Variants in FRK observed in about 807,000 individuals in gnomAD.
FRK encodes the protein fyn related Src family tyrosine kinase.
A neutral mutation model predicts 56.4 loss-of-function variants in FRK; 51 were observed. The ratio of observed to expected loss-of-function variants is 0.90; its 90% CI spans 0.72 to 1.14. The LOEUF is 1.14. FRK is among the 50% of genes most tolerant of loss of function. The probability of loss-of-function intolerance (pLI) is 0.00; values close to 1 mark genes in which losing one functional copy is unlikely to be tolerated. For synonymous variants in FRK, 245 were observed against 217.9 expected, an observed-to-expected ratio of 1.12 and a Z score of -1.10; for missense variants, 570 against 601.4, an observed-to-expected ratio of 0.95 and a Z score of 0.55.
chr6:115,982,583 C>A (rs917816112), intron 2 of FRK, among the ~76,000 whole-genome samples: 1 of 152,104 alleles, frequency 6.6e-6, no homozygotes, highest in Non-Finnish European at 1.5e-5. Flanking sequence ...TTACAGCCTG[C>A]ACTTTGAAGG....
chr6:116,065,016 G>A (rs761845248), upstream of FRK, among the ~76,000 whole-genome samples: 9 of 151,978 alleles, frequency 5.9e-5, no homozygotes, highest in Non-Finnish European at 8.8e-5. Context: ...ACTTACTCCT[G>A]CCTGCATTTC....
intron 4 of FRK, among the ~76,000 whole-genome samples, chr6:115,960,609 AAGAC>A (rs2114579024): frequency 9.4e-6 from 1 of 106,874 alleles, no homozygotes; most frequent in East Asian, 3.1e-4. Flanking sequence ...GACAAACAAA[AAGAC>A]AGCAGTAACC....
At chr6:116,069,947 C>T in the FRK span, among the ~76,000 whole-genome samples, 140 of 152,166 alleles carry the variant, frequency 9.2e-4, no homozygotes, top group African/African-American at 3.0e-3. Context: ...ACAGTTTGTG[C>T]GGCAGGAATT....
At chr6:116,006,308 T>G (rs12196154) in intron 1 of FRK, among the ~76,000 whole-genome samples, 58,985 of 152,058 alleles carry the variant, frequency 0.39, 11,820 homozygotes, top group Middle Eastern at 0.5. Flanking sequence ...CTGGTATTAG[T>G]AATATTACAT....
rs2114481749 is a variant in FRK, at chr6:115,931,401, G to A, written c.*11013C>T. The A allele has an allele frequency of 6.6e-6, 1 of 152,198 alleles. No individual in the cohort carries two copies. Among genetic ancestry groups the A allele is most frequent in the Admixed American group, 6.5e-5 (1 of 15,302 alleles). 9.4% of individuals were successfully genotyped at this position (152,198 alleles called of 1,614,324 possible). On this transcript the variant is annotated 3_prime_UTR_variant, in exon 8 of 8. Coordinates refer to ENST00000606080, the MANE Select transcript of FRK (RefSeq NM_002031.3). ...TACATTTGAATCTGGGTAAATAATAGCATTATAACAAGTGGTACAATTAAA... is the reference window on the plus strand; with the variant it reads ...TACATTTGAATCTGGGTAAATAATAACATTATAACAAGTGGTACAATTAAA...
chr6:116,051,413 AC>A (rs1385594976), intron 1 of FRK, among the ~76,000 whole-genome samples: 24 of 152,280 alleles, frequency 1.6e-4, no homozygotes, highest in Non-Finnish European at 3.2e-4. Context: ...CAACTAAAAA[AC>A]TTTGTAGAAA....
intron 4 of FRK, among the ~76,000 whole-genome samples, chr6:115,960,565 C>T (rs908993128): frequency 5.7e-5 from 8 of 139,538 alleles, no homozygotes; most frequent in Non-Finnish European, 1.1e-4. Context: ...GGCCTGCCTG[C>T]CTCTGTAGGC....
chr6:116,070,637 G>A, the FRK span, among the ~76,000 whole-genome samples: 60 of 152,236 alleles, frequency 3.9e-4, no homozygotes, highest in South Asian at 1.4e-3. Context: ...TATCCAATCA[G>A]TATTTTCCAA....
intron 1 of FRK, among the ~76,000 whole-genome samples, chr6:116,036,413 T>G (rs1379783345): frequency 6.6e-6 from 1 of 152,120 alleles, no homozygotes; most frequent in Non-Finnish European, 1.5e-5. Flanking sequence ...GGTACAAAAT[T>G]ACAGCAAACA....
chr6:116,022,610 G>T (rs1361570126), intron 1 of FRK, among the ~76,000 whole-genome samples: 4 of 152,072 alleles, frequency 2.6e-5, no homozygotes, highest in African/African-American at 7.2e-5. Flanking sequence ...ATCTATTCAT[G>T]ATTTAAAAAC....
chr6:115,956,298 T>C (rs1772986945), intron 5 of FRK, among the ~76,000 whole-genome samples, 154 bp downstream of exon 5: 1 of 152,236 alleles, frequency 6.6e-6, no homozygotes, highest in Non-Finnish European at 1.5e-5. Flanking sequence ...ACCTATTAAA[T>C]AGTAGTTGAG....
upstream of FRK, among the ~76,000 whole-genome samples, chr6:116,065,233 G>A (rs556617815): frequency 1.5e-4 from 23 of 152,152 alleles, no homozygotes; most frequent in Non-Finnish European, 2.9e-4. Context: ...ATACCAGGAC[G>A]AATTAATGAT....
At chr6:116,015,121 G>A (rs1174276209) in intron 1 of FRK, among the ~76,000 whole-genome samples, 1 of 152,070 alleles carries the variant, frequency 6.6e-6, no homozygotes, top group Non-Finnish European at 1.5e-5. Context: ...TATTGATATG[G>A]TTTGGCTCTG....
intron 1 of FRK, among the ~76,000 whole-genome samples, chr6:116,015,064 C>T (rs141269517): frequency 5.3e-5 from 8 of 152,312 alleles, no homozygotes; most frequent in South Asian, 2.1e-4. Context: ...ACAACCACAA[C>T]CTACCACCTT....
chr6:115,990,698 G>A (rs1305048989), intron 2 of FRK, among the ~76,000 whole-genome samples: 3 of 151,622 alleles, frequency 2.0e-5, no homozygotes, highest in African/African-American at 7.3e-5. Flanking sequence ...GCATGAAGTT[G>A]GGTAATGTGA....
intron 1 of FRK, among the ~76,000 whole-genome samples, chr6:116,054,851 A>C (rs1199320675): frequency 6.6e-6 from 1 of 152,018 alleles, no homozygotes; most frequent in Non-Finnish European, 1.5e-5. Context: ...CTATTATGTC[A>C]GAGTGGATTA....
the FRK span, among the ~76,000 whole-genome samples, chr6:116,089,374 T>C: frequency 9.2e-5 from 14 of 152,364 alleles, no homozygotes; most frequent in South Asian, 6.2e-4. Flanking sequence ...TTCTTAGTTT[T>C]GTTTCCCAAA....
chr6:116,039,067 A>C, intron 1 of FRK: 3 of 766,322 alleles, frequency 3.9e-6, no homozygotes, highest in Non-Finnish European at 7.3e-6. Flanking sequence ...TTGGGGAGTC[A>C]GATAAGCTGA....
chr6:116,083,959 C>T, the FRK span, among the ~76,000 whole-genome samples: 25 of 152,094 alleles, frequency 1.6e-4, no homozygotes, highest in African/African-American at 6.0e-4. Context: ...CAGTGCTTAG[C>T]CCTAAGGAAG....
Sources: allele counts gnomAD v4.1 joint callset (sites outside exome capture counted in the v4.1 genomes callset), GRCh38; gene constraint gnomAD v4.1.1; transcripts MANE v1.5; gene names NCBI Gene and HGNC (gene_info 2026-07-23, HGNC 2026-07-21).